The following HOMER2 variants were observed in gnomAD, a reference collection of about 807,000 sequenced individuals.
HOMER2 encodes homer scaffold protein 2.
A neutral mutation model predicts 47.0 loss-of-function variants in HOMER2; 27 were observed. That is an observed-to-expected ratio of 0.57 (90% CI 0.42 to 0.79). The LOEUF (loss-of-function observed/expected upper bound fraction) is 0.79, where lower values mean the gene tolerates loss of function less well. Among genes scored for constraint, HOMER2 ranks in the 30% least tolerant of loss-of-function variants. The pLI is 0.00. For missense variants in HOMER2, 443 were observed against 435.0 expected (o/e 1.02, Z -0.16); for synonymous variants, 161 against 163.8 (o/e 0.98, Z 0.13).
chr15:82,979,760 T>C (rs2030328150), intron 1 of HOMER2, among the ~76,000 whole-genome samples: 1 of 152,148 alleles, frequency 6.6e-6, no homozygotes, highest in Admixed American at 6.5e-5. Flanking sequence ...CGAGGAAGCA[T>C]TCTCTGAAAA....
intron 3 of HOMER2, among the ~76,000 whole-genome samples, chr15:82,874,026 A>G (rs879332787): frequency 6.6e-6 from 1 of 152,216 alleles, no homozygotes; most frequent in Non-Finnish European, 1.5e-5. Context: ...AACTGTCTTC[A>G]ATACACACAA....
At chr15:82,921,681 GC>G (rs1432236965) in intron 1 of HOMER2, among the ~76,000 whole-genome samples, 3 of 152,122 alleles carry the variant, frequency 2.0e-5, no homozygotes, top group Non-Finnish European at 4.4e-5. Context: ...TCTCACTCCT[GC>G]CCTTGCTGGA....
chr15:82,924,308 A>C (rs1484050710), intron 1 of HOMER2, among the ~76,000 whole-genome samples: 1 of 151,734 alleles, frequency 6.6e-6, no homozygotes, highest in Non-Finnish European at 1.5e-5. Context: ...ACTTTTAGTA[A>C]AATGAGGCTG....
chr15:82,875,278 T>C lies in HOMER2; in HGVS notation c.289A>G (p.Thr97Ala), dbSNP rs571002820. The C allele has an allele frequency of 5.0e-6, 8 of 1,613,482 alleles. No individual in the cohort carries two copies. In the Admixed American group the frequency reaches 1.3e-4, roughly 27 times the overall value. Residue 97 changes from threonine to alanine, a missense_variant, in exon 3 of 9, where the codon ACA (threonine) becomes GCA (alanine). By Grantham distance (58) the Thr-to-Ala change is moderately conservative. Coordinates refer to ENST00000450735, the MANE Select transcript of HOMER2 (RefSeq NM_004839.4). ...GLGFSSEQQL[T>A]KFAEKFQEVK... ...TGTGGATAGGACCAAGTTACCTTTG[T>C]CAGCTGCTGCTCAGAGGAAAACCCC... is the stretch of plus-strand genomic sequence containing the variant.
At chr15:82,859,158 C>G (rs376440736) in intron 4 of HOMER2, 23 bp from the exon 5 acceptor site, 5 of 1,613,760 alleles carry the variant, frequency 3.1e-6, no homozygotes, top group Non-Finnish European at 2.5e-6. Flanking sequence ...TGGGGTTTCA[C>G]GCCCAGATTC....
At chr15:82,943,358 T>G (rs949446355) in intron 1 of HOMER2, among the ~76,000 whole-genome samples, 4 of 152,180 alleles carry the variant, frequency 2.6e-5, no homozygotes, top group African/African-American at 9.6e-5. Flanking sequence ...ACAATGCAGC[T>G]GAGACAGCTG....
intron 4 of HOMER2, among the ~76,000 whole-genome samples, chr15:82,861,552 C>T (rs1238936117): frequency 6.6e-6 from 1 of 152,002 alleles, no homozygotes; most frequent in African/African-American, 2.4e-5. Flanking sequence ...TTCCTTTATA[C>T]AATAAACATG....
chr15:82,959,636 C>T (rs1016110460), intron 1 of HOMER2, among the ~76,000 whole-genome samples: 2 of 152,314 alleles, frequency 1.3e-5, no homozygotes, highest in African/African-American at 4.8e-5. Context: ...GGCCCCACCT[C>T]CAGTAAGAAT....
At chr15:82,854,545 AGGGCAAAGTT>A in intron 6 of HOMER2, 89 bp downstream of exon 6, 1 of 1,301,696 alleles carries the variant, frequency 7.7e-7, no homozygotes, top group South Asian at 1.5e-5. Context: ...CATGGGGATA[AGGGCAAAGTT>A]GGGGAGGGAG....
intron 3 of HOMER2, 77 bp downstream of exon 3, chr15:82,875,196 C>T: frequency 6.6e-7 from 1 of 1,511,154 alleles, no homozygotes; most frequent in Admixed American, 1.8e-5. Context: ...ACCAAGGGCA[C>T]ATCCCTCGGC....
At chr15:82,904,468 T>A (rs1339117742) in intron 1 of HOMER2, among the ~76,000 whole-genome samples, 1 of 152,126 alleles carries the variant, frequency 6.6e-6, no homozygotes, top group Non-Finnish European at 1.5e-5. Context: ...ACAGTGAGCA[T>A]CAGAGAAAAA....
chr15:82,857,619 T>C (rs1268093291), intron 5 of HOMER2, among the ~76,000 whole-genome samples: 1 of 151,934 alleles, frequency 6.6e-6, no homozygotes, highest in Non-Finnish European at 1.5e-5. Context: ...TTAGTAGAGA[T>C]GGGGTTTCAC....
intron 1 of HOMER2, among the ~76,000 whole-genome samples, chr15:82,917,869 CAAT>C (rs2151165133): frequency 6.6e-6 from 1 of 152,274 alleles, no homozygotes; most frequent in African/African-American, 2.4e-5. Context: ...TTATTTCCCA[CAAT>C]GTCAAGGGCA....
intron 3 of HOMER2, among the ~76,000 whole-genome samples, chr15:82,865,783 C>T (rs1056091847): frequency 2.0e-5 from 3 of 152,214 alleles, no homozygotes; most frequent in African/African-American, 7.2e-5. Flanking sequence ...AAGCCCAAAG[C>T]CTTGGCAGCT....
chr15:82,879,767 TG>T (rs1422720890), intron 2 of HOMER2, among the ~76,000 whole-genome samples: 3 of 152,188 alleles, frequency 2.0e-5, no homozygotes, highest in Non-Finnish European at 4.4e-5. Context: ...TTTGCTGCAT[TG>T]GTTGATTTTT....
Position 82,861,661 on chromosome 15 carries a change from CA to C in HOMER2, c.387+2505del, listed in dbSNP as rs1360550689. Among the ~76,000 whole-genome samples, 22 of 152,280 alleles carry C rather than the reference CA, an allele frequency of 1.4e-4. 1 individual carries two copies. The South Asian group carries it at 3.5e-3, about 24-fold the overall frequency. On this transcript the variant is annotated intron_variant, in intron 4 of 8. Transcript: ENST00000450735. ...ATTTTGAAAACTTAATCAAAGTGTT[CA>C]TACTCTAAGAGATTCAGGAAACCAA...
At chr15:82,916,059 T>C (rs1176217849) in intron 1 of HOMER2, among the ~76,000 whole-genome samples, 9 of 152,176 alleles carry the variant, frequency 5.9e-5, no homozygotes, top group African/African-American at 2.2e-4. Flanking sequence ...TAGCTACAAC[T>C]TTCTGTCCCC....
chr15:82,889,266 T>C (rs2052635884), intron 2 of HOMER2, among the ~76,000 whole-genome samples: 1 of 152,096 alleles, frequency 6.6e-6, no homozygotes, highest in Non-Finnish European at 1.5e-5. Flanking sequence ...AATGAGGACA[T>C]CAGGAAGTGT....
At chr15:82,850,002 AGGGCCT>A in intron 8 of HOMER2, 99 bp from the exon 9 acceptor site, 1 of 1,262,622 alleles carries the variant, frequency 7.9e-7, no homozygotes, top group Non-Finnish European at 1.1e-6. Flanking sequence ...ATCCAATCTG[AGGGCCT>A]GGGCCAGGGC....
Sources: allele counts gnomAD v4.1 joint callset (sites outside exome capture counted in the v4.1 genomes callset), GRCh38; gene constraint gnomAD v4.1.1; transcripts MANE v1.5; gene names NCBI Gene and HGNC (gene_info 2026-07-23, HGNC 2026-07-21).